Variants in ZDHHC7 observed in about 807,000 individuals in gnomAD.
The protein encoded by ZDHHC7 is palmitoyltransferase ZDHHC7.
Under a neutral mutation model 34.1 loss-of-function variants are expected in ZDHHC7, and 12 were observed. That is an observed-to-expected ratio of 0.35 (90% CI 0.23 to 0.57). The LOEUF (loss-of-function observed/expected upper bound fraction) is 0.57. Among genes scored for constraint, ZDHHC7 ranks in the 20% least tolerant of loss-of-function variants. ZDHHC7 has a pLI of 0.84. For missense variants in ZDHHC7, 388 were observed against 402.7 expected (o/e 0.96, Z 0.31); for synonymous variants, 185 against 155.4 (o/e 1.19, Z -1.42).
At chr16:84,978,115 G>A in intron 5 of ZDHHC7, 110 bp from the exon 6 acceptor site, 1 of 730,806 alleles carries the variant, frequency 1.4e-6, no homozygotes, top group African/African-American at 1.9e-5. Flanking sequence ...TCAGCTCACT[G>A]CAACCTCCGC....
At chr16:84,991,508 A>AAAC (rs1345561850) in intron 2 of ZDHHC7, among the ~76,000 whole-genome samples, 1 of 151,830 alleles carries the variant, frequency 6.6e-6, no homozygotes, top group East Asian at 2.0e-4. Context: ...GGCTGGTCTC[A>AAAC]AACTCCTGAC....
chr16:84,989,211 C>T (rs1403774709), intron 3 of ZDHHC7, among the ~76,000 whole-genome samples: 1 of 152,222 alleles, frequency 6.6e-6, no homozygotes, highest in African/African-American at 2.4e-5. Flanking sequence ...TACCACTCCC[C>T]AGCTGCCCTC....
At chr16:85,008,477 G>A (rs760018761) in intron 1 of ZDHHC7, among the ~76,000 whole-genome samples, 23 of 150,086 alleles carry the variant, frequency 1.5e-4, no homozygotes, top group Non-Finnish European at 2.9e-4. Flanking sequence ...TCCACCCAAG[G>A]GTGGTTTTGG....
intron 3 of ZDHHC7, among the ~76,000 whole-genome samples, chr16:84,983,530 T>A (rs2143585835): frequency 6.6e-6 from 1 of 152,264 alleles, no homozygotes; most frequent in Non-Finnish European, 1.5e-5. Context: ...ATGTGAGTGT[T>A]GACTGCCCAA....
At chr16:84,991,176 A>G (rs891940527) in intron 2 of ZDHHC7, among the ~76,000 whole-genome samples, 4 of 152,158 alleles carry the variant, frequency 2.6e-5, no homozygotes, top group Non-Finnish European at 5.9e-5. Context: ...ATTTTCCTCA[A>G]TTTGATTCTC....
At chr16:85,001,177 A>G (rs2072647625) in intron 1 of ZDHHC7, among the ~76,000 whole-genome samples, 1 of 152,192 alleles carries the variant, frequency 6.6e-6, no homozygotes, top group African/African-American at 2.4e-5. Context: ...AGATGGTTTA[A>G]AAGATAACTG....
At chr16:85,014,148 G>A (rs1023467104), upstream of ZDHHC7, among the ~76,000 whole-genome samples, 1 of 152,132 alleles carries the variant, frequency 6.6e-6, no homozygotes, top group Non-Finnish European at 1.5e-5. Flanking sequence ...ATAATTCTTA[G>A]TCCCCACACT....
chr16:84,988,780 CAG>C, intron 3 of ZDHHC7: 1 of 1,551,650 alleles, frequency 6.4e-7, no homozygotes, highest in Non-Finnish European at 8.7e-7. Flanking sequence ...AGGCTTTGCA[CAG>C]ACTCGGTTCC....
chr16:84,981,847 G>C, intron 4 of ZDHHC7, 23 bp downstream of exon 4: 1 of 1,613,560 alleles, frequency 6.2e-7, no homozygotes, highest in Non-Finnish European at 8.5e-7. Context: ...ATGCGCTCGG[G>C]TTTAATACAG....
At chr16:85,017,457 A>C in the ZDHHC7 span, among the ~76,000 whole-genome samples, 1 of 152,208 alleles carries the variant, frequency 6.6e-6, no homozygotes, top group African/African-American at 2.4e-5. Context: ...GAGCTGCTCA[A>C]ACTGAACATG....
At chr16:84,983,514 G>A (rs567479907) in intron 3 of ZDHHC7, among the ~76,000 whole-genome samples, 1 of 152,286 alleles carries the variant, frequency 6.6e-6, no homozygotes, top group South Asian at 2.1e-4. Context: ...GGGGGCCCCA[G>A]GGCAAATGTG....
At chr16:85,008,475 A>T (rs2072746397) in intron 1 of ZDHHC7, among the ~76,000 whole-genome samples, 1 of 150,616 alleles carries the variant, frequency 6.6e-6, no homozygotes, top group African/African-American at 2.5e-5. Flanking sequence ...ACTCCACCCA[A>T]GGGTGGTTTT....
chr16:84,977,886 A>C (rs2072318674), intron 6 of ZDHHC7, 38 bp downstream of exon 6: 1 of 1,534,474 alleles, frequency 6.5e-7, no homozygotes, highest in African/African-American at 1.4e-5. Context: ...CAATAACAGC[A>C]TGCAAAGCCA....
intron 7 of ZDHHC7, among the ~76,000 whole-genome samples, chr16:84,976,870 G>A (rs989434372): frequency 6.6e-6 from 1 of 152,212 alleles, no homozygotes; most frequent in Non-Finnish European, 1.5e-5. Context: ...ACTGGGAGCT[G>A]GGAATCTGCC....
intron 1 of ZDHHC7, among the ~76,000 whole-genome samples, chr16:85,000,423 T>C (rs13335625): frequency 0.17 from 25,720 of 152,084 alleles, 2,975 homozygotes; most frequent in East Asian, 0.33. Flanking sequence ...AAACAGAAAA[T>C]GTATTTCTCA....
chr16:84,983,527 T>C (rs1037412236), intron 3 of ZDHHC7, among the ~76,000 whole-genome samples: 2 of 151,958 alleles, frequency 1.3e-5, no homozygotes, highest in African/African-American at 4.8e-5. Flanking sequence ...CAAATGTGAG[T>C]GTTGACTGCC....
chr16:84,990,597 G>A lies in ZDHHC7; in HGVS notation c.22C>T (p.Leu8Phe), dbSNP rs780106722. The change falls in exon 3 of 8, where the codon CTC becomes TTC. Residue 8 changes from leucine to phenylalanine, a missense_variant. Transcript: ENST00000313732. ...AGAGGATGATGCTCGACGTCCCGGA[G>A]CCTGTGTCCTGATGGCTGCATGATT... MQPSGHRLRDVEHHPLLA... is the reference protein window; with the variant it reads MQPSGHRFRDVEHHPLLA... 2 of 1,613,764 alleles carry A rather than the reference G, an allele frequency of 1.2e-6. No homozygotes were observed. Among genetic ancestry groups the A allele is most frequent in the African/African-American group, 1.3e-5 (1 of 74,926 alleles).
the ZDHHC7 span, among the ~76,000 whole-genome samples, chr16:85,027,576 G>A: frequency 1.2e-4 from 18 of 152,354 alleles, no homozygotes; most frequent in East Asian, 3.1e-3. Context: ...CAGCAAGGGG[G>A]CGCCGGGCGT....
At chr16:84,987,880 C>T (rs958372890) in intron 3 of ZDHHC7, among the ~76,000 whole-genome samples, 31 of 152,226 alleles carry the variant, frequency 2.0e-4, no homozygotes, top group Admixed American at 3.3e-4. Flanking sequence ...AGTCCCTCAA[C>T]AGGCGGCCAG....
Sources: gnomAD v4.1 joint callset for allele counts (sites outside exome capture counted in the v4.1 genomes callset) on GRCh38, gnomAD v4.1.1 for gene constraint, MANE v1.5 for transcripts, NCBI Gene and HGNC (gene_info 2026-07-23, HGNC 2026-07-21) for gene names.